ADGRB3: variants seen among roughly 807,000 people sequenced by gnomAD.
ADGRB3 encodes the protein adhesion G protein-coupled receptor B3.
In ADGRB3, 37 loss-of-function variants were observed where a neutral mutation model predicts 193.4. The observed-to-expected ratio is 0.19, with a 90% CI of 0.15 to 0.25. ADGRB3 has a LOEUF of 0.25. ADGRB3 is among the 10% of genes least tolerant of loss of function. The pLI, the probability that ADGRB3 is intolerant of heterozygous loss-of-function variation, is 1.00. For missense variants in ADGRB3, 1,637 were observed against 1,852.9 expected (o/e 0.88, Z 2.14); for synonymous variants, 690 against 644.2 (o/e 1.07, Z -1.08).
At chr6:68,762,571 AAATT>A (rs1766432637) in intron 3 of ADGRB3, among the ~76,000 whole-genome samples, 1 of 149,904 alleles carries the variant, frequency 6.7e-6, no homozygotes, top group African/African-American at 2.4e-5. Context: ...TAGGACTAGT[AAATT>A]AATTATTTGA....
intron 26 of ADGRB3, among the ~76,000 whole-genome samples, chr6:69,344,896 G>A (rs1769052081): frequency 6.6e-6 from 1 of 152,154 alleles, no homozygotes; most frequent in African/African-American, 2.4e-5. Context: ...TTTCCATGGA[G>A]TGGGGCCTGT....
intron 17 of ADGRB3, among the ~76,000 whole-genome samples, chr6:69,212,123 A>G (rs1452617094): frequency 2.0e-5 from 3 of 152,210 alleles, no homozygotes; most frequent in African/African-American, 7.2e-5. Context: ...TTTGTAGGAA[A>G]TCAAATAAGG....
At chr6:69,106,971 T>C (rs964664) in intron 17 of ADGRB3, among the ~76,000 whole-genome samples, 99,893 of 152,000 alleles carry the variant, frequency 0.66, 34,070 homozygotes, top group East Asian at 0.95. Context: ...GTGCCGTTAG[T>C]TCACTTGAAT....
chr6:69,251,348 C>G (rs1439371812), intron 20 of ADGRB3, among the ~76,000 whole-genome samples: 1 of 151,606 alleles, frequency 6.6e-6, no homozygotes, highest in African/African-American at 2.4e-5. Context: ...GGTTTTTCCA[C>G]TAATCTGTCT....
chr6:68,848,346 C>G (rs1768324611), intron 3 of ADGRB3, among the ~76,000 whole-genome samples: 1 of 151,986 alleles, frequency 6.6e-6, no homozygotes, highest in Admixed American at 6.6e-5. Flanking sequence ...AACTTCCCAT[C>G]TACAAATCAA....
At chr6:68,835,871 C>T (rs1259776591) in intron 3 of ADGRB3, among the ~76,000 whole-genome samples, 5 of 152,106 alleles carry the variant, frequency 3.3e-5, no homozygotes, top group Admixed American at 6.6e-5. Context: ...TTTATTTTCC[C>T]GGTCCCAGCA....
At chr6:68,853,200 G>C (rs976034669) in intron 3 of ADGRB3, among the ~76,000 whole-genome samples, 2 of 151,976 alleles carry the variant, frequency 1.3e-5, no homozygotes, top group Non-Finnish European at 2.9e-5. Context: ...AGCCAAAGCA[G>C]AACAAATTAT....
At chr6:69,158,465 G>A (rs1023196757) in intron 17 of ADGRB3, among the ~76,000 whole-genome samples, 4 of 150,646 alleles carry the variant, frequency 2.7e-5, no homozygotes, top group Admixed American at 1.3e-4. Flanking sequence ...ACAAAATGAG[G>A]CTTAAGCAGT....
In ADGRB3 at chr6:68,968,741, A is replaced by C. The variant is rs565067410; in HGVS notation, c.1526-6022A>C. ...AATTCAATTATGTAATAACCTATTC[A>C]TGATGTATTTTTTGAACTTTAACAT... On this transcript the variant is annotated intron_variant, in intron 8 of 31. Transcript: ENST00000370598. 5.3e-5 allele frequency among the ~76,000 whole-genome samples: 8 copies of C among 152,332 alleles called. No individual in the cohort carries two copies. The South Asian group carries it at 1.7e-3, about 32-fold the overall frequency.
chr6:69,042,950 C>T (rs563283155), intron 13 of ADGRB3, among the ~76,000 whole-genome samples: 44 of 152,246 alleles, frequency 2.9e-4, no homozygotes, highest in Middle Eastern at 3.4e-3. Context: ...GGTGCCATTG[C>T]GTGAGTGTTT....
At chr6:69,207,012 C>T (rs1054240455) in intron 17 of ADGRB3, among the ~76,000 whole-genome samples, 1 of 152,186 alleles carries the variant, frequency 6.6e-6, no homozygotes. Context: ...GCATACTCTT[C>T]CTGACCTCCA....
At chr6:68,874,303 T>C (rs1765532148) in intron 3 of ADGRB3, among the ~76,000 whole-genome samples, 1 of 152,156 alleles carries the variant, frequency 6.6e-6, no homozygotes, top group Non-Finnish European at 1.5e-5. Flanking sequence ...GACCTTATAA[T>C]TTATTATTAC....
At position 69,376,082 on chromosome 6, in the gene ADGRB3, C is replaced by CTTTTT. The variant is rs58780409; in HGVS notation, c.4275+3665_4275+3669dup. On this transcript the variant is annotated intron_variant, in intron 30 of 31. Transcript: ENST00000370598. Reference sequence around the variant, plus strand: ...CAGTTTTCCATGAAAATTATGTAGCCTTTTTTTTTTTTTTTTTTTTTTTTT... The same window carrying CTTTTT: ...CAGTTTTCCATGAAAATTATGTAGCCTTTTTTTTTTTTTTTTTTTTTTTTTTTTTT... Among the ~76,000 whole-genome samples, 118 of 67,388 alleles carry CTTTTT rather than the reference C, an allele frequency of 1.8e-3. 18 individuals carry two copies. The highest frequency in any genetic ancestry group is 2.4e-3 in the East Asian group (4 of 1,654). 44.2% of individuals were successfully genotyped at this position (67,388 alleles called of 152,430 possible).
At position 69,382,913 on chromosome 6, in the gene ADGRB3, A is replaced by T. The variant is rs752884419; in HGVS notation, c.4358A>T (p.Asp1453Val). The T allele has an allele frequency of 1.2e-6, 2 of 1,605,880 alleles. No homozygotes were observed. The highest frequency in any genetic ancestry group is 2.2e-5 in the South Asian group (2 of 90,624). ...QKFQTLDRFR[D>V]IPNTSSMENP... ...TTTCAAACTTTGGACAGATTTCGGGATATACCAAATACAAGCAGTATGGTA... is the reference window on the plus strand; with the variant it reads ...TTTCAAACTTTGGACAGATTTCGGGTTATACCAAATACAAGCAGTATGGTA... Residue 1453 changes from aspartate (D) to valine (V), a missense_variant, in exon 31 of 32, where the codon GAT (aspartate) becomes GTT (valine). This residue lies in a region of ADGRB3 where 368 missense variants were observed against 367.4 expected (regional missense o/e 1.00). Transcript: ENST00000370598.
chr6:69,137,853 G>C (rs1453378059), intron 17 of ADGRB3, among the ~76,000 whole-genome samples: 1 of 152,118 alleles, frequency 6.6e-6, no homozygotes, highest in Non-Finnish European at 1.5e-5. Context: ...AAACACAATA[G>C]ATACCTTTCT....
chr6:68,745,725 GA>G (rs1766070259), intron 3 of ADGRB3, among the ~76,000 whole-genome samples: 1 of 151,328 alleles, frequency 6.6e-6, no homozygotes, highest in Non-Finnish European at 1.5e-5. Flanking sequence ...TGTATATTTA[GA>G]AATGAATTTA....
chr6:69,128,341 TAG>T (rs1258343947), intron 17 of ADGRB3, among the ~76,000 whole-genome samples: 1 of 152,292 alleles, frequency 6.6e-6, no homozygotes, highest in East Asian at 1.9e-4. Context: ...ATCCACAGTT[TAG>T]AGTCATTTCT....
chr6:68,855,248 G>A (rs1394863961), intron 3 of ADGRB3, among the ~76,000 whole-genome samples: 2 of 152,052 alleles, frequency 1.3e-5, no homozygotes, highest in Non-Finnish European at 2.9e-5. Context: ...GCCTTTTAAA[G>A]ACAATAAAAA....
At chr6:68,772,895 AT>A (rs1158863528) in intron 3 of ADGRB3, among the ~76,000 whole-genome samples, 412 of 33,122 alleles carry the variant, frequency 0.012, 1 homozygote, top group East Asian at 0.036. Context: ...AAAAAAAAAA[AT>A]ATATATATAT....
Sources: gnomAD v4.1 joint callset for allele counts (sites outside exome capture counted in the v4.1 genomes callset) on GRCh38, gnomAD v4.1.1 for gene constraint, gnomAD v4.1.1 regional missense constraint, MANE v1.5 for transcripts, NCBI Gene and HGNC (gene_info 2026-07-23, HGNC 2026-07-21) for gene names.